The following LDLRAD2 variants were observed in gnomAD, a reference collection of about 807,000 sequenced individuals.
LDLRAD2 encodes low-density lipoprotein receptor class A domain-containing protein 2.
A neutral mutation model predicts 24.9 loss-of-function variants in LDLRAD2; 25 were observed. The observed-to-expected ratio is 1.00, with a 90% CI of 0.73 to 1.40. The LOEUF (loss-of-function observed/expected upper bound fraction) is 1.40, where lower values mean the gene tolerates loss of function less well. Ranked by LOEUF, LDLRAD2 falls within the 40% of genes most tolerant of loss-of-function variation. LDLRAD2 has a pLI of 0.00. For synonymous variants in LDLRAD2, 182 were observed against 166.7 expected, an observed-to-expected ratio of 1.09 and a Z score of -0.71; for missense variants, 391 against 366.2, an observed-to-expected ratio of 1.07 and a Z score of -0.55.
chr1:21,824,802 G>A lies in LDLRAD2; in HGVS notation c.*2587G>A. The A allele has an allele frequency of 6.3e-7, 1 of 1,596,902 alleles. No individual in the cohort carries two copies. On this transcript the variant is annotated 3_prime_UTR_variant, in exon 5 of 5. Coordinates refer to ENST00000344642, the MANE Select transcript of LDLRAD2 (RefSeq NM_001013693.3). The surrounding 1 kb of genome is among the most constrained non-coding windows in gnomAD (Gnocchi z 5.9). ...CATCTGTGGGAGAGAGGAGGGTGGT[G>A]CCATACCTGCTGCATCAGGCATCAA...
chr1:21,812,536 G>A lies in LDLRAD2; in HGVS notation c.85G>A (p.Ala29Thr). ...AALTATALET[A>T]DLAELCGQTW... The stretch of plus-strand genomic sequence containing the variant: ...CCTGACTGCAACTGCTTTGGAGACA[G>A]GTAAGTATCAGGGGGCTTGGTTGGG... Residue 29 changes from alanine to threonine, a missense_variant and splice_region_variant, in exon 1 of 5, where the codon GCC becomes ACC. By Grantham distance (58) the Ala-to-Thr change is moderately conservative. Transcript: ENST00000344642. 2 of 1,613,934 alleles carry A rather than the reference G, an allele frequency of 1.2e-6. No individual in the cohort carries two copies. The highest frequency in any genetic ancestry group is 1.3e-5 in the African/African-American group (1 of 75,076).
intron 3 of LDLRAD2, 44 bp downstream of exon 3, chr1:21,816,118 G>C: frequency 6.2e-7 from 1 of 1,600,998 alleles, no homozygotes; most frequent in Non-Finnish European, 8.5e-7. Context: ...CAGCTGGAGG[G>C]AAGCCTGGCC....
At chr1:21,816,421 C>T (rs1237062640) in intron 3 of LDLRAD2, among the ~76,000 whole-genome samples, 1 of 152,184 alleles carries the variant, frequency 6.6e-6, no homozygotes, top group Non-Finnish European at 1.5e-5. Context: ...TGAGTGTCAC[C>T]CTCAAGACAT....
rs544977694 is a variant in LDLRAD2 at position 21,814,172 on chromosome 1, G to A, written c.86-226G>A. On this transcript the variant is annotated intron_variant, in intron 1 of 4. Coordinates refer to ENST00000344642, the MANE Select transcript of LDLRAD2 (RefSeq NM_001013693.3). Reference sequence around the variant, plus strand: ...GGCGTGAGCCACTGCGCTCGGCCCCGCATCTTAGGGTTTCGAATAAGGGAT... The same window carrying A: ...GGCGTGAGCCACTGCGCTCGGCCCCACATCTTAGGGTTTCGAATAAGGGAT... Among the ~76,000 whole-genome samples, 5 of 152,246 alleles carry A rather than the reference G, an allele frequency of 3.3e-5. No homozygotes were observed. In the East Asian group the frequency reaches 7.7e-4, roughly 23 times the overall value.
At chr1:21,822,109 C>T in intron 4 of LDLRAD2, 93 bp from the exon 5 acceptor site, 2 of 1,608,990 alleles carry the variant, frequency 1.2e-6, no homozygotes, top group Non-Finnish European at 1.7e-6. Context: ...ACAATTCCTG[C>T]CTCACAGGGT....
chr1:21,820,427 G>A (rs1054635803), intron 3 of LDLRAD2, among the ~76,000 whole-genome samples: 2 of 151,016 alleles, frequency 1.3e-5, no homozygotes, highest in Non-Finnish European at 2.9e-5. Flanking sequence ...GGAGGCTGAG[G>A]CAGGAGAATG....
intron 3 of LDLRAD2, among the ~76,000 whole-genome samples, chr1:21,820,041 G>A (rs1024196365): frequency 3.9e-5 from 6 of 152,124 alleles, no homozygotes; most frequent in Non-Finnish European, 7.3e-5. Context: ...AACGGATGGT[G>A]CTAAACTATT....
chr1:21,813,086 C>T (rs1390497832), intron 1 of LDLRAD2, among the ~76,000 whole-genome samples: 5 of 152,140 alleles, frequency 3.3e-5, no homozygotes, highest in African/African-American at 4.8e-5. Context: ...CATGAGGTCA[C>T]GAGATCAAGA....
chr1:21,819,123 C>T (rs985911763), intron 3 of LDLRAD2, among the ~76,000 whole-genome samples: 2 of 151,952 alleles, frequency 1.3e-5, no homozygotes, highest in African/African-American at 4.8e-5. Context: ...CCTGTAATCC[C>T]AGCACTTTGG....
chr1:21,823,964 T>C lies in LDLRAD2; in HGVS notation c.*1749T>C. 6 of 835,444 alleles carry C rather than the reference T, an allele frequency of 7.2e-6. No individual in the cohort carries two copies. Among genetic ancestry groups the C allele is most frequent in the South Asian group, 1.5e-5 (1 of 66,358 alleles). The allele number at this position is 835,444 out of a possible 1,614,324, so 51.8% of individuals were successfully genotyped here. ...GCCCCCAGCGGAGTTCAGTCCGAGA[T>C]GGAAGCCCGAGCCCTGGCTGGTGGG... On this transcript the variant is annotated 3_prime_UTR_variant, in exon 5 of 5. Coordinates refer to ENST00000344642, the MANE Select transcript of LDLRAD2 (RefSeq NM_001013693.3).
Position 21,824,434 on chromosome 1 carries a change from G to A in LDLRAD2, c.*2219G>A. 1 of 1,604,176 alleles carries A rather than the reference G, an allele frequency of 6.2e-7. No homozygotes were observed. ...CAGCCTGGAGAGCAGAGGCTGCCGA[G>A]GCCAGGGGGCTCTGCTTTCCCCTCC... is the stretch of plus-strand genomic sequence containing the variant. On this transcript the variant is annotated 3_prime_UTR_variant, in exon 5 of 5. Transcript: ENST00000344642. This position sits in a 1 kb window ranked among gnomAD's most constrained non-coding sequence, Gnocchi z 5.9.
At chr1:21,813,652 G>T (rs1216111201) in intron 1 of LDLRAD2, among the ~76,000 whole-genome samples, 5 of 152,200 alleles carry the variant, frequency 3.3e-5, no homozygotes, top group Non-Finnish European at 7.3e-5. Context: ...ACTAAATGGG[G>T]CTTAAATGGT....
intron 2 of LDLRAD2, 114 bp downstream of exon 2, chr1:21,814,937 C>G: frequency 9.6e-7 from 1 of 1,043,462 alleles, no homozygotes; most frequent in Non-Finnish European, 1.3e-6. Flanking sequence ...CAGGGGTGCC[C>G]GAAGCACAAG....
At position 21,823,246 on chromosome 1, in the gene LDLRAD2, TTAATAA is replaced by T; in HGVS notation, c.*1037_*1042del. 1 of 1,293,536 alleles carries T rather than the reference TTAATAA, an allele frequency of 7.7e-7. No individual in the cohort carries two copies. Among genetic ancestry groups the T allele is most frequent in the East Asian group, 2.6e-5 (1 of 38,040 alleles). The allele number at this position is 1,293,536 out of a possible 1,614,324, so 80.1% of individuals were successfully genotyped here. ...TTTCTTACAAAAATTCATAATAATA[TTAATAA>T]TAATATACTCGACATTGTCGGGCTG... On this transcript the variant is annotated 3_prime_UTR_variant, in exon 5 of 5. Transcript: ENST00000344642.
At chr1:21,814,263 A>T (rs764777702) in intron 1 of LDLRAD2, 135 bp from the exon 2 acceptor site, 9 of 628,198 alleles carry the variant, frequency 1.4e-5, no homozygotes, top group Non-Finnish European at 1.9e-5. Context: ...TTGATTAATC[A>T]TCCCCATTTT....
In LDLRAD2 at chr1:21,823,436, G is replaced by A; in HGVS notation, c.*1221G>A. The A allele has an allele frequency of 6.3e-7, 1 of 1,591,366 alleles. No homozygotes were observed. ...GCACCAGGTTCTTGACACAGCCTGTGATGCCTGAGGAGAATCTGCCCCCGG... is the reference window on the plus strand; with the variant it reads ...GCACCAGGTTCTTGACACAGCCTGTAATGCCTGAGGAGAATCTGCCCCCGG... On this transcript the variant is annotated 3_prime_UTR_variant, in exon 5 of 5. Coordinates refer to ENST00000344642, the MANE Select transcript of LDLRAD2 (RefSeq NM_001013693.3).
rs1160025543 is a variant in LDLRAD2 at position 21,823,612 on chromosome 1, T to A, written c.*1397T>A. Reference sequence around the variant, plus strand: ...CCTGCCCTGAGAAGGAGCCCCAGACTTACCGATGTAGACGCTGCCCTTGGC... The same window carrying A: ...CCTGCCCTGAGAAGGAGCCCCAGACATACCGATGTAGACGCTGCCCTTGGC... On this transcript the variant is annotated 3_prime_UTR_variant, in exon 5 of 5. Coordinates refer to ENST00000344642, the MANE Select transcript of LDLRAD2 (RefSeq NM_001013693.3). The A allele has an allele frequency of 1.2e-6, 2 of 1,613,358 alleles. No individual in the cohort carries two copies.
chr1:21,813,913 C>T (rs2097941031), intron 1 of LDLRAD2, among the ~76,000 whole-genome samples: 1 of 152,002 alleles, frequency 6.6e-6, no homozygotes, highest in Admixed American at 6.6e-5. Context: ...GCTGTGTTAC[C>T]CAGGCTGGAG....
At chr1:21,815,834 C>A in intron 2 of LDLRAD2, 109 bp from the exon 3 acceptor site, 1 of 1,334,668 alleles carries the variant, frequency 7.5e-7, no homozygotes, top group Non-Finnish European at 1.0e-6. Flanking sequence ...TGCATGAGGG[C>A]AGCTCTCTCC....
Sources: gnomAD v4.1 joint callset for allele counts (sites outside exome capture counted in the v4.1 genomes callset) on GRCh38, gnomAD v4.1.1 for gene constraint, Gnocchi (gnomAD v3.1) non-coding constraint, MANE v1.5 for transcripts, NCBI Gene and HGNC (gene_info 2026-07-23, HGNC 2026-07-21) for gene names.